Variants in COL4A3 observed in about 807,000 individuals in gnomAD.
The protein encoded by COL4A3 is collagen alpha-3(IV) chain.
In COL4A3, 135 loss-of-function variants were observed where a neutral mutation model predicts 217.4. The observed-to-expected ratio is 0.62, with a 90% CI of 0.54 to 0.72. The LOEUF (loss-of-function observed/expected upper bound fraction) is 0.72, where lower values mean the gene tolerates loss of function less well. Ranked by LOEUF, COL4A3 falls within the 30% of genes least tolerant of loss-of-function variation. The probability of loss-of-function intolerance (pLI) is 0.00; values close to 1 mark genes in which losing one functional copy is unlikely to be tolerated. For synonymous variants in COL4A3, 690 were observed against 736.3 expected (o/e 0.94, Z 1.02); for missense variants, 1,868 against 2,119.9 (o/e 0.88, Z 2.33).
chr2:227,254,037 G>A, intron 13 of COL4A3, 75 bp from the exon 14 acceptor site: 1 of 1,340,266 alleles, frequency 7.5e-7, no homozygotes, highest in Non-Finnish European at 1.1e-6. Context: ...AACAGATAGA[G>A]GATTTGTCCC....
intron 1 of COL4A3, among the ~76,000 whole-genome samples, chr2:227,226,252 C>T (rs182339669): frequency 6.6e-6 from 1 of 152,206 alleles, no homozygotes; most frequent in African/African-American, 2.4e-5. Context: ...ACATGAAGAA[C>T]TTTTGGACTA....
intron 1 of COL4A3, among the ~76,000 whole-genome samples, chr2:227,215,432 C>T (rs1043946000): frequency 2.0e-5 from 3 of 151,868 alleles, no homozygotes; most frequent in African/African-American, 4.8e-5. Flanking sequence ...TAACCACCTC[C>T]GTATGTGCTT....
intron 1 of COL4A3, among the ~76,000 whole-genome samples, chr2:227,180,509 A>G (rs1332351761): frequency 1.3e-5 from 2 of 152,198 alleles, no homozygotes; most frequent in Non-Finnish European, 2.9e-5. Context: ...AAGGGCAGTC[A>G]TGCAGGCAAG....
intron 34 of COL4A3, among the ~76,000 whole-genome samples, chr2:227,286,091 G>C (rs1203467284): frequency 6.6e-6 from 1 of 152,206 alleles, no homozygotes; most frequent in Admixed American, 6.5e-5. Context: ...AAGACGCGAG[G>C]TGCAAATTAG....
intron 50 of COL4A3, among the ~76,000 whole-genome samples, chr2:227,310,093 G>A (rs557721113): frequency 6.6e-6 from 1 of 152,306 alleles, no homozygotes; most frequent in Admixed American, 6.5e-5. Flanking sequence ...CTGAACCCAG[G>A]TCTATCTGCT....
chr2:227,193,747 G>GGGAGGGAGGGAGGGAAGGAA lies in COL4A3; in HGVS notation c.87+28937_87+28938insGGGAGGGAGGGAAGGAAGGA, dbSNP rs2066335782. Among the ~76,000 whole-genome samples, 2 of 33,504 alleles carry GGGAGGGAGGGAGGGAAGGAA rather than the reference G, an allele frequency of 6.0e-5. 1 individual carries two copies. Among genetic ancestry groups the GGGAGGGAGGGAGGGAAGGAA allele is most frequent in the African/African-American group, 2.0e-4 (2 of 10,114 alleles). The allele number at this position is 33,504 out of a possible 152,430, so 22.0% of individuals were successfully genotyped here. ...AAAGAAGGAAGGAGGGAGGGAGGGA[G>GGGAGGGAGGGAGGGAAGGAA]GGAAGGAAGGAAGGAAGGAAGGAAG... On this transcript the variant is annotated intron_variant, in intron 1 of 51. Transcript: ENST00000396578.
Position 227,266,544 on chromosome 2 carries a change from C to T in COL4A3, c.1408+35C>T, listed in dbSNP as rs771642290. On this transcript the variant is annotated intron_variant, in intron 22 of 51. Coordinates refer to ENST00000396578, the MANE Select transcript of COL4A3 (RefSeq NM_000091.5). ...ATCAATAATGTTGTATTAGGATAAGCCTTTTTCATCGTCATTATTATCACT... is the reference window on the plus strand; with the variant it reads ...ATCAATAATGTTGTATTAGGATAAGTCTTTTTCATCGTCATTATTATCACT... 57 of 1,488,296 alleles carry T rather than the reference C, an allele frequency of 3.8e-5. No homozygotes were observed. Among genetic ancestry groups the T allele is most frequent in the Non-Finnish European group, 5.2e-5 (55 of 1,067,724 alleles). 92.2% of individuals were successfully genotyped at this position (1,488,296 alleles called of 1,614,324 possible). A position where few individuals can be genotyped will look rare whatever the true frequency, so the allele number is the denominator to read the frequency against.
At chr2:227,275,226 G>A (rs2071486146) in intron 26 of COL4A3, among the ~76,000 whole-genome samples, 1 of 152,072 alleles carries the variant, frequency 6.6e-6, no homozygotes, top group Non-Finnish European at 1.5e-5. Flanking sequence ...TGCCACCCAG[G>A]CTGCAGTGCA....
Position 227,253,523 on chromosome 2 carries a change from T to C in COL4A3, c.688-38T>C. ...TAGTAACATTGAAATGTTGATGCTG[T>C]TGTTTATTTTCTCACTCCTGAGTGT... On this transcript the variant is annotated intron_variant, in intron 12 of 51. Coordinates refer to ENST00000396578, the MANE Select transcript of COL4A3 (RefSeq NM_000091.5). The surrounding 1 kb of genome is among the most constrained non-coding windows in gnomAD (Gnocchi z 4.4). 1 of 1,543,676 alleles carries C rather than the reference T, an allele frequency of 6.5e-7. No individual in the cohort carries two copies. The highest frequency in any genetic ancestry group is 9.0e-7 in the Non-Finnish European group (1 of 1,115,940).
intron 1 of COL4A3, among the ~76,000 whole-genome samples, chr2:227,204,582 A>G (rs1039465591): frequency 5.3e-5 from 8 of 152,280 alleles, no homozygotes; most frequent in African/African-American, 1.9e-4. Context: ...AGGCTAACAG[A>G]ATTCCTTGTT....
At chr2:227,252,068 CAAAA>C (rs796320850) in intron 11 of COL4A3, among the ~76,000 whole-genome samples, 2 of 34,840 alleles carry the variant, frequency 5.7e-5, no homozygotes, top group South Asian at 1.3e-3. Flanking sequence ...GGCACCATCT[CAAAA>C]AAAAAAAAAA....
rs1553738297 is a variant in COL4A3, at chr2:227,202,746, A to AAAAAT, written c.88-35221_88-35220insAAATA. Reference sequence around the variant, plus strand: ...CGAGAATCCGTCTCTAAAAAAAAAAAATATATATATATATATATATATATA... The same window carrying AAAAAT: ...CGAGAATCCGTCTCTAAAAAAAAAAAAAAATATATATATATATATATATATATATA... On this transcript the variant is annotated intron_variant, in intron 1 of 51. Coordinates refer to ENST00000396578, the MANE Select transcript of COL4A3 (RefSeq NM_000091.5). Among the ~76,000 whole-genome samples the AAAAAT allele has an allele frequency of 3.3e-3, 74 of 22,150 alleles. 1 individual carries two copies. Among genetic ancestry groups the AAAAAT allele is most frequent in the African/African-American group, 8.3e-3 (70 of 8,444 alleles). 14.5% of individuals were successfully genotyped at this position (22,150 alleles called of 152,430 possible).
chr2:227,244,798 C>T (rs779726077), intron 4 of COL4A3, 153 bp from the exon 5 acceptor site: 3 of 828,260 alleles, frequency 3.6e-6, no homozygotes, highest in Non-Finnish European at 6.3e-6. Context: ...GTTTGTTAAA[C>T]CTTTAGTATT....
intron 1 of COL4A3, among the ~76,000 whole-genome samples, chr2:227,231,376 A>AT (rs112632640): frequency 0.3 from 45,898 of 151,758 alleles, 7,503 homozygotes; most frequent in Non-Finnish European, 0.36. Flanking sequence ...TTATTTAAAC[A>AT]TTTTTTGTGG....
intron 1 of COL4A3, among the ~76,000 whole-genome samples, chr2:227,205,708 A>ATTTTTTTTT (rs1429611680): frequency 1.6e-5 from 2 of 123,682 alleles, no homozygotes; most frequent in Admixed American, 7.6e-5. Flanking sequence ...AATTCAACAA[A>ATTTTTTTTT]TATTTTTTTT....
At position 227,283,779 on chromosome 2, in the gene COL4A3, T is replaced by C; in HGVS notation, c.2669T>C (p.Val890Ala). The change falls in exon 33 of 52, where the codon GTG (valine) becomes GCG (alanine). Residue 890 changes from valine to alanine, a missense_variant. This residue lies in a region of COL4A3 where 1,503 missense variants were observed against 1,786.1 expected (regional missense o/e 0.84). Coordinates refer to ENST00000396578, the MANE Select transcript of COL4A3 (RefSeq NM_000091.5). ...GILGPPGEDGVIGMMGFPGAI... is the reference protein window; with the variant it reads ...GILGPPGEDGAIGMMGFPGAI... ...TTTGTTTCCATAGGTGAAGATGGAGTGATTGGGATGATGGGCTTTCCTGGA... is the reference window on the plus strand; with the variant it reads ...TTTGTTTCCATAGGTGAAGATGGAGCGATTGGGATGATGGGCTTTCCTGGA... 1 of 1,613,924 alleles carries C rather than the reference T, an allele frequency of 6.2e-7. No homozygotes were observed. The highest frequency in any genetic ancestry group is 8.5e-7 in the Non-Finnish European group (1 of 1,179,956).
chr2:227,277,211 C>T (rs186052176), intron 27 of COL4A3, among the ~76,000 whole-genome samples: 41 of 151,390 alleles, frequency 2.7e-4, no homozygotes, highest in Admixed American at 5.9e-4. Context: ...CCCAGCTACT[C>T]GGGAGGCTGA....
intron 44 of COL4A3, 146 bp downstream of exon 44, chr2:227,303,256 C>A: frequency 1.4e-6 from 1 of 694,714 alleles, no homozygotes; most frequent in Non-Finnish European, 2.6e-6. Context: ...GGCTCCACTA[C>A]ACTATTTCAA....
At chr2:227,174,906 T>G (rs545507288) in intron 1 of COL4A3, among the ~76,000 whole-genome samples, 1 of 152,090 alleles carries the variant, frequency 6.6e-6, no homozygotes, top group Non-Finnish European at 1.5e-5. Flanking sequence ...GTAAACAAAA[T>G]AGTCTGAATC....
Sources: allele counts gnomAD v4.1 joint callset (sites outside exome capture counted in the v4.1 genomes callset), GRCh38; gene constraint gnomAD v4.1.1; regional missense constraint gnomAD v4.1.1; non-coding constraint Gnocchi (gnomAD v3.1); transcripts MANE v1.5; gene names NCBI Gene and HGNC (gene_info 2026-07-23, HGNC 2026-07-21).